ATP6V1C1: variants seen among roughly 807,000 people sequenced by gnomAD.
ATP6V1C1 encodes the protein ATPase H+ transporting V1 subunit C1.
Under a neutral mutation model 53.9 loss-of-function variants are expected in ATP6V1C1, and 45 were observed. The ratio of observed to expected loss-of-function variants is 0.83; its 90% CI spans 0.66 to 1.07. The LOEUF is 1.07. Ranked by LOEUF, ATP6V1C1 falls within the 50% of genes least tolerant of loss-of-function variation. The pLI is 0.00. For missense variants in ATP6V1C1, 315 were observed against 440.3 expected (o/e 0.72, Z 2.55); for synonymous variants, 153 against 155.2 (o/e 0.99, Z 0.11).
rs1249220126 is a variant in ATP6V1C1, at chr8:103,042,324, T to C, written c.133-16T>C. On this transcript the variant is annotated splice_polypyrimidine_tract_variant and intron_variant, in intron 2 of 12. Transcript: ENST00000518738. ...AAAAAGCATGCCACCTAAATAACAA[T>C]ATATTTTCCTTTTAGGTTGGCACGT... is the stretch of plus-strand genomic sequence containing the variant. 7.5e-6 allele frequency: 12 copies of C among 1,609,306 alleles called. No individual in the cohort carries two copies. Among genetic ancestry groups the C allele is most frequent in the Admixed American group, 5.0e-5 (3 of 59,886 alleles).
At chr8:103,048,784 C>G in intron 3 of ATP6V1C1, 86 bp from the exon 4 acceptor site, 1 of 1,126,358 alleles carries the variant, frequency 8.9e-7, no homozygotes, top group South Asian at 1.4e-5. Flanking sequence ...TAGTCAAATT[C>G]ATGTCTTTAT....
chr8:103,042,325 A>T lies in ATP6V1C1; in HGVS notation c.133-15A>T, dbSNP rs368123012. 1 of 1,612,190 alleles carries T rather than the reference A, an allele frequency of 6.2e-7. No individual in the cohort carries two copies. Among genetic ancestry groups the T allele is most frequent in the Non-Finnish European group, 8.5e-7 (1 of 1,178,824 alleles). On this transcript the variant is annotated splice_polypyrimidine_tract_variant and intron_variant, in intron 2 of 12. Transcript: ENST00000518738. ...AAAAGCATGCCACCTAAATAACAATATATTTTCCTTTTAGGTTGGCACGTT... is the reference window on the plus strand; with the variant it reads ...AAAAGCATGCCACCTAAATAACAATTTATTTTCCTTTTAGGTTGGCACGTT...
At chr8:103,041,272 T>G (rs1435740498) in intron 2 of ATP6V1C1, among the ~76,000 whole-genome samples, 1 of 152,252 alleles carries the variant, frequency 6.6e-6, no homozygotes, top group African/African-American at 2.4e-5. Flanking sequence ...ATATATATTC[T>G]TAAATATCAT....
chr8:103,032,633 G>A lies in ATP6V1C1; in HGVS notation c.-39-8165G>A, dbSNP rs569361723. Among the ~76,000 whole-genome samples the A allele has an allele frequency of 2.6e-5, 4 of 151,838 alleles. No homozygotes were observed. In the South Asian group the frequency reaches 6.3e-4, roughly 24 times the overall value. On this transcript the variant is annotated intron_variant, in intron 1 of 12. Coordinates refer to ENST00000518738, the MANE Select transcript of ATP6V1C1 (RefSeq NM_001695.5). ...GCTGGGATTACAGGCCTGCACCACCGCACCTGGCTAATTTTTGTAATTTTA... is the reference window on the plus strand; with the variant it reads ...GCTGGGATTACAGGCCTGCACCACCACACCTGGCTAATTTTTGTAATTTTA...
rs759267238 is a variant in ATP6V1C1, at chr8:103,068,625, T to C, written c.1054-27T>C. 1.4e-5 allele frequency: 21 copies of C among 1,516,458 alleles called. No individual in the cohort carries two copies. The Admixed American group carries it at 3.0e-4, about 22-fold the overall frequency. The allele number at this position is 1,516,458 out of a possible 1,614,324, so 93.9% of individuals were successfully genotyped here. ...TTTTTTGAGTTCTGTAAATACAAAA[T>C]TGAATAATTGTCTGTTTTTTCCATA... On this transcript the variant is annotated intron_variant, in intron 12 of 12. Transcript: ENST00000518738.
At chr8:103,049,773 A>G (rs1449687873) in intron 4 of ATP6V1C1, among the ~76,000 whole-genome samples, 2 of 152,080 alleles carry the variant, frequency 1.3e-5, no homozygotes, top group Non-Finnish European at 2.9e-5. Context: ...CCTGTCTCTA[A>G]AAAACCCAAA....
chr8:103,040,447 A>G (rs907345176), intron 1 of ATP6V1C1, among the ~76,000 whole-genome samples: 1 of 152,074 alleles, frequency 6.6e-6, no homozygotes, highest in African/African-American at 2.4e-5. Context: ...AAACCTATAA[A>G]TTTGTAACTC....
rs1817553769 is a variant in ATP6V1C1, at chr8:103,069,758, T to A, written c.*1011T>A. On this transcript the variant is annotated 3_prime_UTR_variant, in exon 13 of 13. Coordinates refer to ENST00000518738, the MANE Select transcript of ATP6V1C1 (RefSeq NM_001695.5). The stretch of plus-strand genomic sequence containing the variant: ...TAAAAGAGGATTTTGTGGCAATGTT[T>A]CTCTTACTACGTACTCACAGGTTTG... 6.6e-6 allele frequency: 1 copy of A among 152,210 alleles called. No individual in the cohort carries two copies. The highest frequency in any genetic ancestry group is 2.4e-5 in the African/African-American group (1 of 41,458). The allele number at this position is 152,210 out of a possible 1,614,324, so 9.4% of individuals were successfully genotyped here. A position where few individuals can be genotyped will look rare whatever the true frequency, so the allele number is the denominator to read the frequency against.
intron 1 of ATP6V1C1, among the ~76,000 whole-genome samples, chr8:103,027,835 C>A (rs1816725180): frequency 6.6e-6 from 1 of 151,932 alleles, no homozygotes; most frequent in Non-Finnish European, 1.5e-5. Flanking sequence ...ATGAAGTCTT[C>A]CTCCCACCCT....
chr8:103,043,334 T>G (rs917401494), intron 3 of ATP6V1C1, among the ~76,000 whole-genome samples: 1 of 133,806 alleles, frequency 7.5e-6, no homozygotes, highest in African/African-American at 2.5e-5. Context: ...TTTTTTTTGT[T>G]TTTTTTGAGA....
In ATP6V1C1 at chr8:103,053,443, T is replaced by C. The variant is rs1817235257; in HGVS notation, c.474-441T>C. ...TTACTGGAAGACAAATGAGGACTGATTTGAAAGAGTTAATTATTGGGTTAG... is the reference window on the plus strand; with the variant it reads ...TTACTGGAAGACAAATGAGGACTGACTTGAAAGAGTTAATTATTGGGTTAG... On this transcript the variant is annotated intron_variant, in intron 6 of 12. Transcript: ENST00000518738. Among the ~76,000 whole-genome samples, 6 of 151,892 alleles carry C rather than the reference T, an allele frequency of 4.0e-5. 1 individual carries two copies. The South Asian group carries it at 1.2e-3, about 31-fold the overall frequency.
Position 103,064,722 on chromosome 8 carries a change from T to C in ATP6V1C1, c.837T>C (p.Leu279=), listed in dbSNP as rs201913131. The C allele has an allele frequency of 2.4e-4, 381 of 1,612,866 alleles. 3 individuals are homozygous for C. The South Asian group carries it at 4.0e-3, about 17-fold the overall frequency. The change falls in exon 11 of 13, where the codon CTT becomes CTC. Residue 279 remains leucine, a synonymous_variant. Coordinates refer to ENST00000518738, the MANE Select transcript of ATP6V1C1 (RefSeq NM_001695.5). ...TTTTTTTCTTTTTATAGGGACCACT[T>C]GTACGGTGGCTGAAAGTGAATTTTA... ...STDKKKQFGP[L]VRWLKVNFSE...
At chr8:103,053,593 G>T (rs1817237910) in intron 6 of ATP6V1C1, among the ~76,000 whole-genome samples, 1 of 151,972 alleles carries the variant, frequency 6.6e-6, no homozygotes, top group Non-Finnish European at 1.5e-5. Context: ...CTAATGAGTA[G>T]ATAGTTTTCC....
intron 8 of ATP6V1C1, 149 bp from the exon 9 acceptor site, chr8:103,062,806 T>C (rs925121747): frequency 4.7e-6 from 3 of 642,610 alleles, no homozygotes; most frequent in South Asian, 1.9e-5. Context: ...CTTCGGTGTT[T>C]GAGGCAATCC....
chr8:103,066,658 C>T (rs895258261), intron 12 of ATP6V1C1, among the ~76,000 whole-genome samples: 2 of 152,140 alleles, frequency 1.3e-5, no homozygotes, highest in South Asian at 2.1e-4. Flanking sequence ...CTTGGCATTT[C>T]TACAAGCTAG....
At position 103,030,119 on chromosome 8, in the gene ATP6V1C1, T is replaced by C. The variant is rs531708170; in HGVS notation, c.-40+8894T>C. 2.0e-5 allele frequency among the ~76,000 whole-genome samples: 3 copies of C among 152,288 alleles called. No homozygotes were observed. The East Asian group carries it at 5.8e-4, about 29-fold the overall frequency. ...CAAATTAATGGCACATAAGTGAATG[T>C]TGGAGACATTTATTCAAGCTGCAGC... On this transcript the variant is annotated intron_variant, in intron 1 of 12. Coordinates refer to ENST00000518738, the MANE Select transcript of ATP6V1C1 (RefSeq NM_001695.5).
chr8:103,067,747 G>A (rs2131406931), intron 12 of ATP6V1C1, among the ~76,000 whole-genome samples: 1 of 151,676 alleles, frequency 6.6e-6, no homozygotes, highest in African/African-American at 2.4e-5. Context: ...ATTATGCCTG[G>A]CTAATTTTTG....
At position 103,042,497 on chromosome 8, in the gene ATP6V1C1, C is replaced by CT. The variant is rs1197747735; in HGVS notation, c.200+91dup. 3.6e-5 allele frequency: 46 copies of CT among 1,279,322 alleles called. 1 individual carries two copies. The highest frequency in any genetic ancestry group is 4.5e-5 in the Non-Finnish European group (41 of 912,108). The allele number at this position is 1,279,322 out of a possible 1,614,324, so 79.2% of individuals were successfully genotyped here. A position where few individuals can be genotyped will look rare whatever the true frequency, so the allele number is the denominator to read the frequency against. On this transcript the variant is annotated intron_variant, in intron 3 of 12. Coordinates refer to ENST00000518738, the MANE Select transcript of ATP6V1C1 (RefSeq NM_001695.5). The stretch of plus-strand genomic sequence containing the variant: ...CTGGGTTTATTATCACATGTATACT[C>CT]TGCTTATTGGAATGGTTTTAGAAAA...
At chr8:103,067,037 C>G (rs1817503691) in intron 12 of ATP6V1C1, among the ~76,000 whole-genome samples, 2 of 151,148 alleles carry the variant, frequency 1.3e-5, no homozygotes, top group East Asian at 3.9e-4. Flanking sequence ...TTAAACAAAA[C>G]TGTTATTTTT....
Sources: allele counts gnomAD v4.1 joint callset (sites outside exome capture counted in the v4.1 genomes callset), GRCh38; gene constraint gnomAD v4.1.1; transcripts MANE v1.5; gene names NCBI Gene and HGNC (gene_info 2026-07-23, HGNC 2026-07-21).